NAV3: variants seen among roughly 807,000 people sequenced by gnomAD.
NAV3 encodes neuron navigator 3, also known as pore membrane and/or filament interacting like protein 1.
In NAV3, 87 loss-of-function variants were observed where a neutral mutation model predicts 244.7. That is an observed-to-expected ratio of 0.36 (90% CI 0.30 to 0.42). NAV3 has a LOEUF of 0.42. Ranked by LOEUF, NAV3 falls within the 20% of genes least tolerant of loss-of-function variation. NAV3 has a pLI of 1.00. For missense variants in NAV3, 2,663 were observed against 2,893.3 expected, an observed-to-expected ratio of 0.92 and a Z score of 1.83; for synonymous variants, 1,126 against 1,042.2, an observed-to-expected ratio of 1.08 and a Z score of -1.55.
intron 1 of NAV3, among the ~76,000 whole-genome samples, chr12:77,832,365 C>A (rs1046007193): frequency 6.6e-6 from 1 of 152,146 alleles, no homozygotes; most frequent in African/African-American, 2.4e-5. Context: ...ATACTACAAC[C>A]GTTTTCTCCA....
chr12:78,055,753 A>G (rs1020865900), intron 11 of NAV3, among the ~76,000 whole-genome samples: 1 of 152,192 alleles, frequency 6.6e-6, no homozygotes, highest in Non-Finnish European at 1.5e-5. Context: ...TTCTGCCTGC[A>G]TTCATTTGTC....
intron 23 of NAV3, among the ~76,000 whole-genome samples, chr12:78,166,395 T>G (rs1957782365): frequency 6.6e-6 from 1 of 150,858 alleles, no homozygotes; most frequent in Admixed American, 6.7e-5. Flanking sequence ...GAACAGATTA[T>G]GTCAATCAAT....
At chr12:78,020,435 A>G (rs534874344) in intron 8 of NAV3, among the ~76,000 whole-genome samples, 1 of 152,230 alleles carries the variant, frequency 6.6e-6, no homozygotes, top group East Asian at 1.9e-4. Flanking sequence ...TATGCTCTTT[A>G]TATTCAGTTT....
chr12:78,143,882 T>C (rs992022048), intron 20 of NAV3, among the ~76,000 whole-genome samples: 7 of 152,150 alleles, frequency 4.6e-5, no homozygotes, highest in African/African-American at 1.7e-4. Flanking sequence ...CCTCCACCAA[T>C]GCTTTTCTTC....
At chr12:77,741,703 ATTG>A (rs1280388202) in intron 2 of NAV3, among the ~76,000 whole-genome samples, 4 of 152,124 alleles carry the variant, frequency 2.6e-5, no homozygotes, top group Admixed American at 2.6e-4. Flanking sequence ...ATAAACAATT[ATTG>A]TTTGTCCAGT....
At chr12:77,947,098 C>T (rs894829953) in intron 3 of NAV3, among the ~76,000 whole-genome samples, 2 of 152,014 alleles carry the variant, frequency 1.3e-5, no homozygotes, top group African/African-American at 2.4e-5. Flanking sequence ...TTACAATTTG[C>T]TGATATGAAT....
At chr12:77,942,311 A>G (rs1267808978) in intron 3 of NAV3, among the ~76,000 whole-genome samples, 1 of 151,946 alleles carries the variant, frequency 6.6e-6, no homozygotes, top group African/African-American at 2.4e-5. Flanking sequence ...GGCGGAGGTT[A>G]TGGTGAGCGA....
intron 2 of NAV3, among the ~76,000 whole-genome samples, chr12:77,725,936 T>A: frequency 6.6e-6 from 1 of 151,974 alleles, no homozygotes; most frequent in African/African-American, 2.4e-5. Flanking sequence ...CTGACTGAAT[T>A]TTTTTCATGC....
intron 9 of NAV3, among the ~76,000 whole-genome samples, chr12:78,024,997 G>C (rs11403459): frequency 1.3e-3 from 188 of 145,206 alleles, no homozygotes; most frequent in African/African-American, 4.5e-3. Flanking sequence ...GAAAAAAAAA[G>C]CCACAACTTC....
chr12:77,772,322 A>C (rs1870135253), intron 2 of NAV3, among the ~76,000 whole-genome samples: 2 of 152,194 alleles, frequency 1.3e-5, no homozygotes, highest in East Asian at 1.9e-4. Flanking sequence ...ATTTCAAATA[A>C]ACAATAAAGG....
Position 77,968,647 on chromosome 12 carries a change from G to T in NAV3, c.616G>T (p.Ala206Ser), listed in dbSNP as rs34739021. ...GGAACTTCAGCAGCGAGTTACTCAC[G>T]CTTCCCCTCCATCGGAAGCCAGCCA... ...LVELQQRVTH[A>S]SPPSEASQAK... is the part of the protein sequence containing the mutation. The change falls in exon 5 of 40, where the codon GCT (alanine) becomes TCT (serine). Residue 206 changes from alanine (A) to serine (S), a missense_variant. By Grantham distance (99) the Ala-to-Ser change is moderately conservative (BLOSUM62 1). Around this residue, in one of 6 missense-constraint regions of NAV3, gnomAD observed 1,521 missense variants for 1,497.0 expected, o/e 1.02. Coordinates refer to ENST00000397909, the MANE Select transcript of NAV3 (RefSeq NM_001024383.2). 2 of 1,614,070 alleles carry T rather than the reference G, an allele frequency of 1.2e-6. No homozygotes were observed. Among genetic ancestry groups the T allele is most frequent in the South Asian group, 2.2e-5 (2 of 91,084 alleles).
intron 24 of NAV3, among the ~76,000 whole-genome samples, chr12:78,170,253 A>G (rs394004): frequency 0.049 from 7,457 of 151,800 alleles, 198 homozygotes; most frequent in Non-Finnish European, 0.071. Context: ...TCTTTGCCTC[A>G]GTAGATAGCA....
rs377013035 is a variant in NAV3, at chr12:77,959,380, G to C, written c.415-6849G>C. Among the ~76,000 whole-genome samples the C allele has an allele frequency of 2.6e-5, 4 of 151,930 alleles. No individual in the cohort carries two copies. In the South Asian group the frequency reaches 8.3e-4, roughly 31 times the overall value. Reference sequence around the variant, plus strand: ...TTACTGGGATACAGATAATTCTCAGGAAACTCTGTGTAATACCAAAAGTGA... The same window carrying C: ...TTACTGGGATACAGATAATTCTCAGCAAACTCTGTGTAATACCAAAAGTGA... On this transcript the variant is annotated intron_variant, in intron 3 of 39. Transcript: ENST00000397909.
intron 12 of NAV3, among the ~76,000 whole-genome samples, chr12:78,110,955 G>C (rs765257241): frequency 6.6e-6 from 1 of 151,960 alleles, no homozygotes; most frequent in Non-Finnish European, 1.5e-5. Context: ...CTTATATGTG[G>C]GAGCTAATAA....
At chr12:78,041,798 T>A (rs961449513) in intron 9 of NAV3, among the ~76,000 whole-genome samples, 2 of 152,240 alleles carry the variant, frequency 1.3e-5, no homozygotes, top group African/African-American at 4.8e-5. Flanking sequence ...AAATCTGGCC[T>A]GAGTATTAAG....
intron 2 of NAV3, among the ~76,000 whole-genome samples, chr12:77,699,478 A>G (rs578029972): frequency 1.3e-5 from 2 of 152,254 alleles, no homozygotes; most frequent in Non-Finnish European, 2.9e-5. Context: ...TGGACACAGC[A>G]TGGTAGGGAT....
At chr12:77,578,800 G>A (rs1869214127) in intron 2 of NAV3, among the ~76,000 whole-genome samples, 1 of 151,786 alleles carries the variant, frequency 6.6e-6, no homozygotes, top group Non-Finnish European at 1.5e-5. Context: ...CATCACTCAC[G>A]CCCTCTCCAT....
At chr12:78,127,133 A>G (rs774622288) in intron 16 of NAV3, 34 bp from the exon 17 acceptor site, 33 of 1,606,914 alleles carry the variant, frequency 2.1e-5, no homozygotes, top group Non-Finnish European at 2.5e-5. Context: ...TTTTGTTTAC[A>G]TTATGTCCTT....
intron 2 of NAV3, among the ~76,000 whole-genome samples, chr12:77,724,457 T>TG (rs1205768158): frequency 6.6e-6 from 1 of 151,926 alleles, no homozygotes; most frequent in Non-Finnish European, 1.5e-5. Flanking sequence ...TAGGCCACTT[T>TG]GGGGGGATTC....
Sources: allele counts gnomAD v4.1 joint callset (sites outside exome capture counted in the v4.1 genomes callset), GRCh38; gene constraint gnomAD v4.1.1; regional missense constraint gnomAD v4.1.1; transcripts MANE v1.5; gene names NCBI Gene and HGNC (gene_info 2026-07-23, HGNC 2026-07-21).